Variants in SMURF1 observed in about 807,000 individuals in gnomAD.
SMURF1 encodes the protein E3 ubiquitin-protein ligase SMURF1.
A neutral mutation model predicts 98.0 loss-of-function variants in SMURF1; 44 were observed. The observed-to-expected ratio is 0.45, with a 90% CI of 0.35 to 0.58. The LOEUF (loss-of-function observed/expected upper bound fraction) is 0.58. SMURF1 is among the 20% of genes least tolerant of loss of function. The probability of loss-of-function intolerance (pLI) is 0.00; values close to 1 mark genes in which losing one functional copy is unlikely to be tolerated. For missense variants in SMURF1, 687 were observed against 938.4 expected (o/e 0.73, Z 3.50); for synonymous variants, 396 against 374.9 (o/e 1.06, Z -0.65).
chr7:99,143,598 G>C, intron 1 of SMURF1, 128 bp downstream of exon 1: 1 of 727,898 alleles, frequency 1.4e-6, no homozygotes, highest in South Asian at 2.1e-5. Context: ...GGCGCACGCC[G>C]AAGGGGGTGA....
chr7:99,087,260 C>T (rs1383379827), intron 1 of SMURF1, among the ~76,000 whole-genome samples: 5 of 152,072 alleles, frequency 3.3e-5, no homozygotes, highest in Admixed American at 2.0e-4. Context: ...TGCCATATGC[C>T]TATGGTCCCA....
At chr7:99,126,633 C>G (rs150596311) in intron 1 of SMURF1, among the ~76,000 whole-genome samples, 1 of 151,842 alleles carries the variant, frequency 6.6e-6, no homozygotes, top group African/African-American at 2.4e-5. Context: ...CCAGCCTGGG[C>G]GACAGAGCGA....
intron 9 of SMURF1, chr7:99,048,107 G>A: frequency 2.0e-6 from 1 of 509,832 alleles, no homozygotes; most frequent in South Asian, 2.1e-5. Context: ...GGTACCCCAG[G>A]CCGGGCGTGG....
intron 1 of SMURF1, among the ~76,000 whole-genome samples, chr7:99,076,483 AG>A (rs1201922059): frequency 6.6e-6 from 1 of 152,232 alleles, no homozygotes; most frequent in East Asian, 1.9e-4. Flanking sequence ...CTTCCAGTGG[AG>A]GAACATTCTA....
chr7:99,051,035 C>CA, intron 8 of SMURF1: 2 of 1,487,222 alleles, frequency 1.3e-6, no homozygotes, highest in Non-Finnish European at 1.8e-6. Context: ...GAAAGGGTAA[C>CA]AGAGTCTTTA....
chr7:99,098,649 G>A (rs1019756550), intron 1 of SMURF1, among the ~76,000 whole-genome samples: 3 of 152,108 alleles, frequency 2.0e-5, no homozygotes, highest in African/African-American at 7.2e-5. Flanking sequence ...ACAGTGCACT[G>A]AGAAATGTCA....
chr7:99,100,004 A>G (rs1198973959), intron 1 of SMURF1, among the ~76,000 whole-genome samples: 1 of 152,108 alleles, frequency 6.6e-6, no homozygotes, highest in African/African-American at 2.4e-5. Context: ...ACAGCATTCC[A>G]AATATACAGT....
chr7:99,140,281 CTTTT>C (rs11421940), intron 1 of SMURF1, among the ~76,000 whole-genome samples: 1 of 85,794 alleles, frequency 1.2e-5, no homozygotes, highest in Non-Finnish European at 2.1e-5. Context: ...CTTCAGTATC[CTTTT>C]TTTTTTTTTT....
chr7:99,132,343 T>A (rs1042557344), intron 1 of SMURF1, among the ~76,000 whole-genome samples: 1 of 151,934 alleles, frequency 6.6e-6, no homozygotes. Context: ...CACCAGGTAT[T>A]TGTGAGCACC....
At chr7:99,090,268 A>G (rs1796779853) in intron 1 of SMURF1, among the ~76,000 whole-genome samples, 1 of 152,214 alleles carries the variant, frequency 6.6e-6, no homozygotes, top group South Asian at 2.1e-4. Context: ...CGTTTTAAAC[A>G]AAGCTCTTCA....
Position 99,078,669 on chromosome 7 carries a change from T to C in SMURF1, c.56-16832A>G, listed in dbSNP as rs1329039755. On this transcript the variant is annotated intron_variant, in intron 1 of 17. Coordinates refer to ENST00000361368, the MANE Select transcript of SMURF1 (RefSeq NM_181349.3). ...TCAGCCGGGCAGCATTTGATTCTCA[T>C]AGGAGCATGAACCCTGTTGTGAACT... 3.3e-5 allele frequency among the ~76,000 whole-genome samples: 5 copies of C among 152,282 alleles called. No homozygotes were observed. The East Asian group carries it at 5.8e-4, about 18-fold the overall frequency.
At chr7:99,093,322 G>A (rs1796856196) in intron 1 of SMURF1, among the ~76,000 whole-genome samples, 3 of 152,130 alleles carry the variant, frequency 2.0e-5, no homozygotes, top group Admixed American at 6.5e-5. Context: ...TCAGCCTGGC[G>A]TTTTTGATCA....
chr7:99,140,793 CTT>C (rs57050114), intron 1 of SMURF1, among the ~76,000 whole-genome samples: 15 of 146,516 alleles, frequency 1.0e-4, no homozygotes, highest in African/African-American at 3.2e-4. Context: ...TTTTAACAGT[CTT>C]TTTTTTTTTT....
At chr7:99,121,858 G>T (rs1212212308) in intron 1 of SMURF1, among the ~76,000 whole-genome samples, 1 of 152,146 alleles carries the variant, frequency 6.6e-6, no homozygotes, top group African/African-American at 2.4e-5. Context: ...AACTCCAGGG[G>T]AAAACCATTG....
At chr7:99,077,029 G>A (rs1327037864) in intron 1 of SMURF1, among the ~76,000 whole-genome samples, 1 of 151,744 alleles carries the variant, frequency 6.6e-6, no homozygotes, top group Non-Finnish European at 1.5e-5. Context: ...GAACAGTGAC[G>A]AGGTAAACTC....
intron 12 of SMURF1, among the ~76,000 whole-genome samples, chr7:99,041,029 G>C (rs1795358237): frequency 6.6e-6 from 1 of 152,086 alleles, no homozygotes; most frequent in African/African-American, 2.4e-5. Context: ...GGAAGAGAGG[G>C]AAAGAGAGGG....
At chr7:99,105,597 A>G (rs1212143526) in intron 1 of SMURF1, among the ~76,000 whole-genome samples, 1 of 152,228 alleles carries the variant, frequency 6.6e-6, no homozygotes, top group East Asian at 1.9e-4. Flanking sequence ...GAGACTGAGT[A>G]GCTTTGCCCA....
At position 99,088,916 on chromosome 7, in the gene SMURF1, C is replaced by CA. The variant is rs755932911; in HGVS notation, c.56-27080dup. 1.4e-4 allele frequency among the ~76,000 whole-genome samples: 22 copies of CA among 151,786 alleles called. No homozygotes were observed. The East Asian group carries it at 2.1e-3, about 15-fold the overall frequency. On this transcript the variant is annotated intron_variant, in intron 1 of 17. Transcript: ENST00000361368. Reference sequence around the variant, plus strand: ...CCTATCTCTACTAAAAACACACACACAAAAAAAGGCTGGGTGCGCTGGCTC... The same window carrying CA: ...CCTATCTCTACTAAAAACACACACACAAAAAAAAGGCTGGGTGCGCTGGCTC...
chr7:99,038,292 G>T, intron 14 of SMURF1, 96 bp downstream of exon 14: 2 of 1,409,384 alleles, frequency 1.4e-6, no homozygotes, highest in East Asian at 4.6e-5. Context: ...CAGCCATCAG[G>T]GACATGCAGG....
Sources: gnomAD v4.1 joint callset for allele counts (sites outside exome capture counted in the v4.1 genomes callset) on GRCh38, gnomAD v4.1.1 for gene constraint, MANE v1.5 for transcripts, NCBI Gene and HGNC (gene_info 2026-07-23, HGNC 2026-07-21) for gene names.